Variants in DERA observed in about 807,000 individuals in gnomAD.
DERA encodes the protein 2-deoxy-D-ribose 5-phosphate aldolase.
DERA carries 15 observed loss-of-function variants against 41.1 expected under a neutral mutation model. The ratio of observed to expected loss-of-function variants is 0.37; its 90% confidence interval spans 0.24 to 0.56. The LOEUF is 0.56. DERA is among the 20% of genes least tolerant of loss of function. The pLI is 0.81. For synonymous variants in DERA, 139 were observed against 137.4 expected (o/e 1.01, Z -0.08); for missense variants, 396 against 403.4 (o/e 0.98, Z 0.16).
In DERA at chr12:15,974,266, G is replaced by A. The variant is rs947658458; in HGVS notation, c.509-8042G>A. 5.9e-5 allele frequency among the ~76,000 whole-genome samples: 9 copies of A among 152,272 alleles called. No homozygotes were observed. In the East Asian group the frequency reaches 1.7e-3, roughly 29 times the overall value. ...ATTGATGACCATACGGCCATTAAAT[G>A]TACAGATTGTTCAGATTTTGCAGAT... On this transcript the variant is annotated intron_variant, in intron 5 of 8. Coordinates refer to ENST00000428559, the MANE Select transcript of DERA (RefSeq NM_015954.4).
intron 1 of DERA, among the ~76,000 whole-genome samples, chr12:15,948,001 T>C (rs1040337481): frequency 1.3e-5 from 2 of 152,224 alleles, no homozygotes; most frequent in South Asian, 2.1e-4. Flanking sequence ...GGTTGAAAAT[T>C]CTTTTCTTTA....
rs1340548267 is a variant in DERA, at chr12:15,981,402, T to C, written c.509-906T>C. On this transcript the variant is annotated intron_variant, in intron 5 of 8. Transcript: ENST00000428559. This position sits in a 1 kb window ranked among gnomAD's most constrained non-coding sequence, Gnocchi z 6.1. ...CTACTTCCTATGAAAGATACTCAAA[T>C]ACAAAGGAAAGAAAAAGCCTTGGTC... Among the ~76,000 whole-genome samples, 1 of 151,936 alleles carries C rather than the reference T, an allele frequency of 6.6e-6. No individual in the cohort carries two copies. Among genetic ancestry groups the C allele is most frequent in the African/African-American group, 2.4e-5 (1 of 41,352 alleles).
Position 15,911,953 on chromosome 12 carries a change from A to G in DERA, c.31+539A>G, listed in dbSNP as rs1011396341. On this transcript the variant is annotated intron_variant, in intron 1 of 8. Coordinates refer to ENST00000428559, the MANE Select transcript of DERA (RefSeq NM_015954.4). The surrounding 1 kb of genome is among the most constrained non-coding windows in gnomAD (Gnocchi z 4.5). ...TACAAAGATTTGTTAAAGTACCTGT[A>G]TTATTTCCCAGTTTTCATCTTTTTT... is the stretch of plus-strand genomic sequence containing the variant. Among the ~76,000 whole-genome samples, 1 of 151,550 alleles carries G rather than the reference A, an allele frequency of 6.6e-6. No homozygotes were observed. Among genetic ancestry groups the G allele is most frequent in the Non-Finnish European group, 1.5e-5 (1 of 67,938 alleles).
In DERA at chr12:16,021,942, C is replaced by T. The variant is rs1035213347; in HGVS notation, c.638-10600C>T. On this transcript the variant is annotated intron_variant, in intron 6 of 8. Transcript: ENST00000428559. This position sits in a 1 kb window ranked among gnomAD's most constrained non-coding sequence, Gnocchi z 5.3. ...TAAGACTTTGGACTTTAGACTTTGG[C>T]ATTTTTGAGCTAAGGCTGGAACAAG... 6.6e-6 allele frequency among the ~76,000 whole-genome samples: 1 copy of T among 152,178 alleles called. No individual in the cohort carries two copies. The highest frequency in any genetic ancestry group is 2.4e-5 in the African/African-American group (1 of 41,444).
rs1224961506 is a variant in DERA, at chr12:15,940,553, A to G, written c.32-16383A>G. Among the ~76,000 whole-genome samples, 2 of 151,988 alleles carry G rather than the reference A, an allele frequency of 1.3e-5. No individual in the cohort carries two copies. The highest frequency in any genetic ancestry group is 1.5e-5 in the Non-Finnish European group (1 of 68,002). On this transcript the variant is annotated intron_variant, in intron 1 of 8. Coordinates refer to ENST00000428559, the MANE Select transcript of DERA (RefSeq NM_015954.4). The surrounding 1 kb of genome is among the most constrained non-coding windows in gnomAD (Gnocchi z 5.1). ...TTTGTAGTAGAGACAGAGTTTCACC[A>G]TGTTAGCCAAGATGGTCTTGATCTC...
rs555440430 is a variant in DERA at position 15,933,867 on chromosome 12, T to C, written c.31+22453T>C. ...TTGGAGCTGGAATCCAGTTTCCTGC[T>C]TTGTTCTATACTGTTATGCCCTATA... On this transcript the variant is annotated intron_variant, in intron 1 of 8. Coordinates refer to ENST00000428559, the MANE Select transcript of DERA (RefSeq NM_015954.4). Among the ~76,000 whole-genome samples, 5 of 152,282 alleles carry C rather than the reference T, an allele frequency of 3.3e-5. No individual in the cohort carries two copies. In the East Asian group the frequency reaches 9.7e-4, roughly 29 times the overall value.
rs974559633 is a variant in DERA at position 16,012,191 on chromosome 12, G to T, written c.638-20351G>T. Reference sequence around the variant, plus strand: ...AAGGGTTGGGAAAGAGAGGAGTTGAGTTGAGCACAGAGATGTGATACAAGT... The same window carrying T: ...AAGGGTTGGGAAAGAGAGGAGTTGATTTGAGCACAGAGATGTGATACAAGT... On this transcript the variant is annotated intron_variant, in intron 6 of 8. Coordinates refer to ENST00000428559, the MANE Select transcript of DERA (RefSeq NM_015954.4). This position sits in a 1 kb window ranked among gnomAD's most constrained non-coding sequence, Gnocchi z 4.1. Among the ~76,000 whole-genome samples the T allele has an allele frequency of 6.6e-6, 1 of 152,138 alleles. No homozygotes were observed. Among genetic ancestry groups the T allele is most frequent in the African/African-American group, 2.4e-5 (1 of 41,442 alleles).
intron 1 of DERA, among the ~76,000 whole-genome samples, chr12:15,916,924 G>A (rs1948204637): frequency 6.6e-6 from 1 of 151,790 alleles, no homozygotes; most frequent in Non-Finnish European, 1.5e-5. Flanking sequence ...TGTTCTTTAG[G>A]TTAAAAAAAA....
At position 15,982,503 on chromosome 12, in the gene DERA, G is replaced by A. The variant is rs1299333772; in HGVS notation, c.637+67G>A. The stretch of plus-strand genomic sequence containing the variant: ...TGTTTTTAGGAGAAATTAAGTAAGT[G>A]AAAGCATTTAGCTATTATTAAACGT... On this transcript the variant is annotated intron_variant, in intron 6 of 8. Coordinates refer to ENST00000428559, the MANE Select transcript of DERA (RefSeq NM_015954.4). This position sits in a 1 kb window ranked among gnomAD's most constrained non-coding sequence, Gnocchi z 4.0. 25 of 1,478,720 alleles carry A rather than the reference G, an allele frequency of 1.7e-5. No individual in the cohort carries two copies. The highest frequency in any genetic ancestry group is 2.2e-5 in the Non-Finnish European group (24 of 1,106,286). The allele number at this position is 1,478,720 out of a possible 1,614,324, so 91.6% of individuals were successfully genotyped here. A position where few individuals can be genotyped will look rare whatever the true frequency, so the allele number is the denominator to read the frequency against.
rs145088853 is a variant in DERA, at chr12:16,019,199, C to T, written c.638-13343C>T. 1.8e-4 allele frequency among the ~76,000 whole-genome samples: 28 copies of T among 152,258 alleles called. No individual in the cohort carries two copies. The highest frequency in any genetic ancestry group is 4.0e-4 in the Non-Finnish European group (27 of 68,012). On this transcript the variant is annotated intron_variant, in intron 6 of 8. Transcript: ENST00000428559. The surrounding 1 kb of genome is among the most constrained non-coding windows in gnomAD (Gnocchi z 4.4). ...TCCTACTTAGTCCCATTGGAAAATC[C>T]ATTTTTCTTTTGACAGCAGTAAAGT... is the stretch of plus-strand genomic sequence containing the variant.
chr12:15,916,420 T>G (rs567760912), intron 1 of DERA: 1 of 152,354 alleles, frequency 6.6e-6, no homozygotes, highest in East Asian at 1.9e-4. Context: ...GGCCTCAGCT[T>G]CTAGGTTTAA....
At chr12:16,007,759 G>C (rs1377666910) in intron 6 of DERA, among the ~76,000 whole-genome samples, 1 of 152,158 alleles carries the variant, frequency 6.6e-6, no homozygotes, top group Non-Finnish European at 1.5e-5. Context: ...TTTAAGACTT[G>C]TACCTTAGTC....
At position 16,025,877 on chromosome 12, in the gene DERA, T is replaced by G. The variant is rs1261380317; in HGVS notation, c.638-6665T>G. ...TTCTCAGACCACAATGGTACTAAGC[T>G]AGAATTCAATAGCAGAAAGTTAGCT... On this transcript the variant is annotated intron_variant, in intron 6 of 8. Transcript: ENST00000428559. Among the ~76,000 whole-genome samples the G allele has an allele frequency of 2.0e-5, 3 of 152,062 alleles. No individual in the cohort carries two copies. The East Asian group carries it at 5.8e-4, about 29-fold the overall frequency.
At chr12:16,022,929 A>G (rs1263982125) in intron 6 of DERA, among the ~76,000 whole-genome samples, 1 of 152,194 alleles carries the variant, frequency 6.6e-6, no homozygotes, top group Non-Finnish European at 1.5e-5. Context: ...CAGGAGAAGG[A>G]GAAGATAATC....
intron 5 of DERA, among the ~76,000 whole-genome samples, chr12:15,973,506 A>T (rs1254663338): frequency 3.3e-5 from 5 of 152,198 alleles, no homozygotes. Context: ...AACAACAGAC[A>T]TATATTACAT....
intron 1 of DERA, among the ~76,000 whole-genome samples, chr12:15,923,085 C>G (rs11056716): frequency 0.092 from 12,784 of 139,484 alleles, 1,977 homozygotes; most frequent in African/African-American, 0.32. Flanking sequence ...TGCAGTGGCG[C>G]GATCTCGGCT....
chr12:15,921,003 T>A lies in DERA; in HGVS notation c.31+9589T>A, dbSNP rs1404246699. 6.6e-6 allele frequency among the ~76,000 whole-genome samples: 1 copy of A among 152,242 alleles called. No individual in the cohort carries two copies. The highest frequency in any genetic ancestry group is 2.4e-5 in the African/African-American group (1 of 41,464). Reference sequence around the variant, plus strand: ...GACCCAGGTTCAGATTCAGAGAATCTTTAATTACGAGCTATTGTTTTTTTG... The same window carrying A: ...GACCCAGGTTCAGATTCAGAGAATCATTAATTACGAGCTATTGTTTTTTTG... On this transcript the variant is annotated intron_variant, in intron 1 of 8. Coordinates refer to ENST00000428559, the MANE Select transcript of DERA (RefSeq NM_015954.4). This position sits in a 1 kb window ranked among gnomAD's most constrained non-coding sequence, Gnocchi z 5.3.
Position 15,988,655 on chromosome 12 carries a change from T to C in DERA, c.637+6219T>C, listed in dbSNP as rs4594053. On this transcript the variant is annotated intron_variant, in intron 6 of 8. Coordinates refer to ENST00000428559, the MANE Select transcript of DERA (RefSeq NM_015954.4). The surrounding 1 kb of genome is among the most constrained non-coding windows in gnomAD (Gnocchi z 6.0). Reference sequence around the variant, plus strand: ...TCAATGAAGTTCTCACTCCAGGCTGTGGCCTTCACTCAGACCTGGCAGCCT... The same window carrying C: ...TCAATGAAGTTCTCACTCCAGGCTGCGGCCTTCACTCAGACCTGGCAGCCT... 1 allele frequency among the ~76,000 whole-genome samples: 152,271 copies of C among 152,276 alleles called. 76,133 individuals are homozygous for C. The highest frequency in any genetic ancestry group is 1 in the Middle Eastern group (294 of 294).
At position 15,915,958 on chromosome 12, in the gene DERA, G is replaced by A. The variant is rs1351590780; in HGVS notation, c.31+4544G>A. The stretch of plus-strand genomic sequence containing the variant: ...CTACATGCTTAAACAACCACACTGT[G>A]TCGACTGGTGCTAACTGGGAGCACT... On this transcript the variant is annotated intron_variant, in intron 1 of 8. Coordinates refer to ENST00000428559, the MANE Select transcript of DERA (RefSeq NM_015954.4). The surrounding 1 kb of genome is among the most constrained non-coding windows in gnomAD (Gnocchi z 4.8). 6.6e-6 allele frequency among the ~76,000 whole-genome samples: 1 copy of A among 152,200 alleles called. No homozygotes were observed. The highest frequency in any genetic ancestry group is 1.5e-5 in the Non-Finnish European group (1 of 68,046).
Sources: gnomAD v4.1 joint callset for allele counts (sites outside exome capture counted in the v4.1 genomes callset) on GRCh38, gnomAD v4.1.1 for gene constraint, Gnocchi (gnomAD v3.1) non-coding constraint, MANE v1.5 for transcripts, NCBI Gene and HGNC (gene_info 2026-07-23, HGNC 2026-07-21) for gene names.